Variants in SBNO2 observed in about 807,000 individuals in gnomAD.
SBNO2 encodes the protein strawberry notch homolog 2.
SBNO2 carries 89 observed loss-of-function variants against 146.3 expected under a neutral mutation model. The ratio of observed to expected loss-of-function variants is 0.61; its 90% CI spans 0.51 to 0.73. The LOEUF is 0.73. Among genes scored for constraint, SBNO2 ranks in the 30% least tolerant of loss-of-function variants. The pLI, the probability that SBNO2 is intolerant of heterozygous loss-of-function variation, is 0.00. For synonymous variants in SBNO2, 1,147 were observed against 892.6 expected, an observed-to-expected ratio of 1.29 and a Z score of -5.08; for missense variants, 2,092 against 2,003.7, an observed-to-expected ratio of 1.04 and a Z score of -0.84.
In SBNO2 at chr19:1,158,110, C is replaced by T. The variant is rs2080309714; in HGVS notation, c.-126-3708G>A. 6.6e-6 allele frequency among the ~76,000 whole-genome samples: 1 copy of T among 152,214 alleles called. No individual in the cohort carries two copies. Among genetic ancestry groups the T allele is most frequent in the South Asian group, 2.1e-4 (1 of 4,834 alleles). ...CTGAGCCTGCTGAAGTCCCCGTCTT[C>T]CTGGCTGGACGCCCCAGGGTCTCAC... is the stretch of plus-strand genomic sequence containing the variant. On this transcript the variant is annotated intron_variant, in intron 1 of 31. Coordinates refer to ENST00000361757, the MANE Select transcript of SBNO2 (RefSeq NM_014963.3). The surrounding 1 kb of genome is among the most constrained non-coding windows in gnomAD (Gnocchi z 9.9).
intron 1 of SBNO2, among the ~76,000 whole-genome samples, chr19:1,162,752 C>T (rs934984131): frequency 6.6e-6 from 1 of 152,210 alleles, no homozygotes; most frequent in Admixed American, 6.5e-5. Flanking sequence ...CACAGAGAAA[C>T]GGAGACCAGG....
At position 1,120,058 on chromosome 19, in the gene SBNO2, G is replaced by A. The variant is rs574324907; in HGVS notation, c.1150-35C>T. 3.2e-5 allele frequency: 49 copies of A among 1,518,044 alleles called. No individual in the cohort carries two copies. In the East Asian group the frequency reaches 1.1e-3, roughly 35 times the overall value. The allele number at this position is 1,518,044 out of a possible 1,614,324, so 94.0% of individuals were successfully genotyped here. ...ACGTGGGTTAAGGAGTATTCTGAAG[G>A]ACGGGGGCGACCCCAGGAGCCCAGG... On this transcript the variant is annotated intron_variant, in intron 11 of 31. Coordinates refer to ENST00000361757, the MANE Select transcript of SBNO2 (RefSeq NM_014963.3).
At chr19:1,166,311 G>A (rs1323498975) in intron 1 of SBNO2, among the ~76,000 whole-genome samples, 4 of 152,020 alleles carry the variant, frequency 2.6e-5, no homozygotes, top group African/African-American at 4.8e-5. Context: ...ATGCTTATGC[G>A]GAAACAGCCT....
In SBNO2 at chr19:1,108,431, T is replaced by C. The variant is rs1229186625; in HGVS notation, c.3890A>G (p.Gln1297Arg). 94 of 1,257,444 alleles carry C rather than the reference T, an allele frequency of 7.5e-5. No individual in the cohort carries two copies. Among genetic ancestry groups the C allele is most frequent in the Non-Finnish European group, 9.0e-5 (90 of 996,418 alleles). The allele number at this position is 1,257,444 out of a possible 1,614,324, so 77.9% of individuals were successfully genotyped here. A position where few individuals can be genotyped will look rare whatever the true frequency, so the allele number is the denominator to read the frequency against. ...GTGCGCGAGGGCCGCAGGGTCGGCC[T>C]GGGCGTCGGGGGTGCCCAGCGGCAC... Reference protein sequence around the residue: ...GVVPLGTPDAQADPAALAHQG... With the variant: ...GVVPLGTPDARADPAALAHQG... The change falls in exon 32 of 32, where the codon CAG becomes CGG. Residue 1297 changes from glutamine (Q) to arginine (R), a missense_variant. By Grantham distance (43) the Gln-to-Arg change is conservative (BLOSUM62 1). Transcript: ENST00000361757.
At chr19:1,154,819 G>T (rs544583692) in intron 1 of SBNO2, among the ~76,000 whole-genome samples, 1 of 152,306 alleles carries the variant, frequency 6.6e-6, no homozygotes, top group East Asian at 1.9e-4. Flanking sequence ...GGGAGCCCAG[G>T]GGACACTGGA....
In SBNO2 at chr19:1,144,733, CAA is replaced by C. The variant is rs1271066030; in HGVS notation, c.279+2574_279+2575del. The stretch of plus-strand genomic sequence containing the variant: ...ACAGACACAGAGGCAGAGAGGGAGA[CAA>C]AGAGACAGGTGGAGAGGGAGACAGA... On this transcript the variant is annotated intron_variant, in intron 4 of 31. Coordinates refer to ENST00000361757, the MANE Select transcript of SBNO2 (RefSeq NM_014963.3). The surrounding 1 kb of genome is among the most constrained non-coding windows in gnomAD (Gnocchi z 4.1). Among the ~76,000 whole-genome samples the C allele has an allele frequency of 2.8e-5, 4 of 142,264 alleles. No individual in the cohort carries two copies. The highest frequency in any genetic ancestry group is 8.3e-5 in the African/African-American group (3 of 36,278). The allele number at this position is 142,264 out of a possible 152,430, so 93.3% of individuals were successfully genotyped here.
At chr19:1,133,321 C>T (rs918949317) in intron 4 of SBNO2, among the ~76,000 whole-genome samples, 2 of 152,140 alleles carry the variant, frequency 1.3e-5, no homozygotes, top group African/African-American at 4.8e-5. Flanking sequence ...AGAAGGAAAC[C>T]GCCCCGAGAG....
intron 1 of SBNO2, among the ~76,000 whole-genome samples, chr19:1,171,287 G>A (rs1039800580): frequency 2.0e-5 from 3 of 151,754 alleles, no homozygotes; most frequent in Non-Finnish European, 2.9e-5. Context: ...TCCGTACGAC[G>A]CACACACAGA....
In SBNO2 at chr19:1,109,089, T is replaced by G; in HGVS notation, c.3425+46A>C. 6.5e-7 allele frequency: 1 copy of G among 1,541,118 alleles called. No individual in the cohort carries two copies. The highest frequency in any genetic ancestry group is 8.7e-7 in the Non-Finnish European group (1 of 1,143,458). On this transcript the variant is annotated intron_variant, in intron 30 of 31. Transcript: ENST00000361757. This position sits in a 1 kb window ranked among gnomAD's most constrained non-coding sequence, Gnocchi z 4.2. ...CGGGAGCCCCCGATCCCCGCCTGGG[T>G]CGCCGCCATCTGCCGGTTTCCCCCT...
intron 4 of SBNO2, chr19:1,132,117 C>G: frequency 6.5e-7 from 1 of 1,532,438 alleles, no homozygotes; most frequent in Non-Finnish European, 8.7e-7. Flanking sequence ...ACTGCAGCCA[C>G]AGCTGCAGCT....
rs147346905 is a variant in SBNO2, at chr19:1,136,716, G to A, written c.280-8951C>T. ...GGGGCTCCGTGGTGCCGGATGGGCC[G>A]AGGCATCTGACCCCTGCTGAAACGC... On this transcript the variant is annotated intron_variant, in intron 4 of 31. Transcript: ENST00000361757. The surrounding 1 kb of genome is among the most constrained non-coding windows in gnomAD (Gnocchi z 4.2). Among the ~76,000 whole-genome samples the A allele has an allele frequency of 7.3e-3, 1,119 of 152,310 alleles. 18 individuals are homozygous for A. Among genetic ancestry groups the A allele is most frequent in the African/African-American group, 0.025 (1,052 of 41,576 alleles).
chr19:1,130,665 G>A (rs1030232806), intron 4 of SBNO2, among the ~76,000 whole-genome samples: 11 of 152,062 alleles, frequency 7.2e-5, no homozygotes, highest in African/African-American at 2.7e-4. Context: ...GGCAGCATGT[G>A]CCTGCAGTCC....
At chr19:1,128,415 C>T (rs531871304) in intron 4 of SBNO2, 13 of 288,178 alleles carry the variant, frequency 4.5e-5, no homozygotes, top group African/African-American at 2.4e-4. Context: ...TTTTTTGAGA[C>T]GGATTCTTAC....
chr19:1,171,738 T>G (rs541540619), intron 1 of SBNO2, among the ~76,000 whole-genome samples: 24 of 151,448 alleles, frequency 1.6e-4, no homozygotes, highest in African/African-American at 5.4e-4. Flanking sequence ...ACCCCTGGGG[T>G]TGGGGGAGGC....
In SBNO2 at chr19:1,113,644, C is replaced by T. The variant is rs762353502; in HGVS notation, c.2138G>A (p.Arg713Gln). 35 of 1,597,670 alleles carry T rather than the reference C, an allele frequency of 2.2e-5. 1 individual carries two copies. Among genetic ancestry groups the T allele is most frequent in the South Asian group, 1.3e-4 (12 of 89,588 alleles). ...HGPGVLERVE[R>Q]LKQDLLDKVR... ...TTTGTCCAGCAGATCCTGCTTCAGCCGCTCCACCCGCTCCAGGACCCCGGG... is the reference window on the plus strand; with the variant it reads ...TTTGTCCAGCAGATCCTGCTTCAGCTGCTCCACCCGCTCCAGGACCCCGGG... The change falls in exon 19 of 32, where the codon CGG becomes CAG. Residue 713 changes from arginine (R) to glutamine (Q), a missense_variant. By Grantham distance (43) the Arg-to-Gln change is conservative (BLOSUM62 1). Coordinates refer to ENST00000361757, the MANE Select transcript of SBNO2 (RefSeq NM_014963.3).
intron 4 of SBNO2, among the ~76,000 whole-genome samples, chr19:1,131,194 C>T (rs1375306570): frequency 6.6e-6 from 1 of 152,214 alleles, no homozygotes; most frequent in East Asian, 1.9e-4. Context: ...TCCTTCACCA[C>T]ATGACCCACC....
At chr19:1,124,849 C>G (rs944282794) in intron 5 of SBNO2, among the ~76,000 whole-genome samples, 19 of 152,106 alleles carry the variant, frequency 1.2e-4, no homozygotes, top group African/African-American at 4.3e-4. Flanking sequence ...GGTCTCCGAA[C>G]TGACTGGGCG....
intron 4 of SBNO2, among the ~76,000 whole-genome samples, chr19:1,146,637 G>A (rs2080192467): frequency 6.6e-6 from 1 of 151,472 alleles, no homozygotes; most frequent in African/African-American, 2.4e-5. Context: ...CCGTCCCAGG[G>A]AAGCCGATCT....
chr19:1,164,516 AGG>A (rs2080385031), intron 1 of SBNO2, among the ~76,000 whole-genome samples: 1 of 113,174 alleles, frequency 8.8e-6, no homozygotes. Context: ...GAGGAGGAGG[AGG>A]AGGAACAGGA....
Sources: allele counts gnomAD v4.1 joint callset (sites outside exome capture counted in the v4.1 genomes callset), GRCh38; gene constraint gnomAD v4.1.1; non-coding constraint Gnocchi (gnomAD v3.1); transcripts MANE v1.5; gene names NCBI Gene and HGNC (gene_info 2026-07-23, HGNC 2026-07-21).